Variants in NCF2 observed in about 807,000 individuals in gnomAD.
NCF2 encodes neutrophil cytosol factor 2.
A neutral mutation model predicts 70.9 loss-of-function variants in NCF2; 45 were observed. The observed-to-expected ratio is 0.63, with a 90% CI of 0.50 to 0.81. The LOEUF (loss-of-function observed/expected upper bound fraction) is 0.81. Among genes scored for constraint, NCF2 ranks in the 40% least tolerant of loss-of-function variants. NCF2 has a pLI of 0.00. For synonymous variants in NCF2, 203 were observed against 233.6 expected (o/e 0.87, Z 1.19); for missense variants, 522 against 631.6 (o/e 0.83, Z 1.86).
chr1:183,597,383 A>C, the NCF2 span, among the ~76,000 whole-genome samples: 3 of 152,242 alleles, frequency 2.0e-5, no homozygotes, highest in East Asian at 3.8e-4. Context: ...GAAGGAGTAG[A>C]AACTGATCAC....
At chr1:183,561,678 C>T (rs928792098) in intron 13 of NCF2, among the ~76,000 whole-genome samples, 2 of 149,392 alleles carry the variant, frequency 1.3e-5, no homozygotes, top group Non-Finnish European at 3.0e-5. Context: ...TGGGGTTTCA[C>T]CATGTTGGCC....
At chr1:183,600,382 A>G in the NCF2 span, among the ~76,000 whole-genome samples, 1 of 152,202 alleles carries the variant, frequency 6.6e-6, no homozygotes, top group Non-Finnish European at 1.5e-5. Flanking sequence ...ATGGTTCTTG[A>G]CTCAACAACC....
intron 2 of NCF2, among the ~76,000 whole-genome samples, chr1:183,580,422 C>T (rs1047104864): frequency 2.0e-5 from 3 of 152,130 alleles, no homozygotes; most frequent in Non-Finnish European, 2.9e-5. Context: ...TCTTCCATCG[C>T]GAAGAGGACA....
intron 3 of NCF2, among the ~76,000 whole-genome samples, chr1:183,576,787 A>G (rs1010853471): frequency 6.6e-6 from 1 of 152,182 alleles, no homozygotes; most frequent in Non-Finnish European, 1.5e-5. Flanking sequence ...CCCTGGGAAC[A>G]CTTGACTTCT....
Position 183,566,996 on chromosome 1 carries a change from G to A in NCF2, c.856-8C>T. Reference sequence around the variant, plus strand: ...GCAGGGAACAAGCCCCTTCTGCAGTGCAGCACCACAGAATCAGAAAGGAAA... The same window carrying A: ...GCAGGGAACAAGCCCCTTCTGCAGTACAGCACCACAGAATCAGAAAGGAAA... On this transcript the variant is annotated splice_region_variant and splice_polypyrimidine_tract_variant and intron_variant, in intron 8 of 14. Coordinates refer to ENST00000367535, the MANE Select transcript of NCF2 (RefSeq NM_000433.4). 1.2e-6 allele frequency: 2 copies of A among 1,614,142 alleles called. No individual in the cohort carries two copies. Among genetic ancestry groups the A allele is most frequent in the Non-Finnish European group, 1.7e-6 (2 of 1,180,020 alleles).
At chr1:183,591,643 C>T (rs993455060), upstream of NCF2, among the ~76,000 whole-genome samples, 1 of 152,106 alleles carries the variant, frequency 6.6e-6, no homozygotes, top group African/African-American at 2.4e-5. Flanking sequence ...CCACCACGCC[C>T]TGCTAATTTT....
chr1:183,588,796 A>C (rs1673498082), intron 1 of NCF2, among the ~76,000 whole-genome samples: 1 of 152,216 alleles, frequency 6.6e-6, no homozygotes, highest in Non-Finnish European at 1.5e-5. Context: ...GGAGAAACAG[A>C]GACATGTGGG....
intron 3 of NCF2, among the ~76,000 whole-genome samples, chr1:183,575,384 G>T (rs1672756424): frequency 6.6e-6 from 1 of 152,198 alleles, no homozygotes; most frequent in Non-Finnish European, 1.5e-5. Context: ...CAGGAGAATT[G>T]CTTGAACCCA....
At chr1:183,593,618 C>T (rs1033665007), upstream of NCF2, among the ~76,000 whole-genome samples, 1 of 152,208 alleles carries the variant, frequency 6.6e-6, no homozygotes, top group Non-Finnish European at 1.5e-5. Flanking sequence ...CTTTCACTTC[C>T]TCAATGAGTG....
Position 183,560,102 on chromosome 1 carries a change from A to G in NCF2, c.1462T>C (p.Ser488Pro), listed in dbSNP as rs1671974257. ...FQEGDIILVL[S>P]KVNEEWLEGE... The stretch of plus-strand genomic sequence containing the variant: ...GTCTTGGAGTAGCACTTACCCTTTG[A>G]TAACACCAGGATTATATCCCCTTCC... Residue 488 changes from serine (S) to proline (P), a missense_variant, in exon 14 of 15, where the codon TCA (serine) becomes CCA (proline). Transcript: ENST00000367535. 3 of 1,614,062 alleles carry G rather than the reference A, an allele frequency of 1.9e-6. No homozygotes were observed. The highest frequency in any genetic ancestry group is 2.5e-6 in the Non-Finnish European group (3 of 1,179,952).
At chr1:183,578,214 T>C (rs1672889507) in intron 2 of NCF2, among the ~76,000 whole-genome samples, 1 of 152,232 alleles carries the variant, frequency 6.6e-6, no homozygotes, top group Non-Finnish European at 1.5e-5. Flanking sequence ...CCCACTGCCT[T>C]CGCCCATGGC....
chr1:183,584,866 G>C (rs954060499), intron 2 of NCF2, among the ~76,000 whole-genome samples: 1 of 151,870 alleles, frequency 6.6e-6, no homozygotes, highest in African/African-American at 2.4e-5. Context: ...TACACCTACT[G>C]CATACCCACA....
At chr1:183,561,604 A>C (rs986048881) in intron 13 of NCF2, among the ~76,000 whole-genome samples, 9 of 151,928 alleles carry the variant, frequency 5.9e-5, no homozygotes, top group Non-Finnish European at 1.2e-4. Context: ...GATGCTTAAT[A>C]AATGTTAGTT....
intron 2 of NCF2, among the ~76,000 whole-genome samples, chr1:183,584,945 T>C (rs1673276118): frequency 6.6e-6 from 1 of 152,116 alleles, no homozygotes; most frequent in South Asian, 2.1e-4. Context: ...TCACACTAAA[T>C]ATGGGGGGAA....
chr1:183,564,312 G>A (rs1483723659), intron 10 of NCF2, among the ~76,000 whole-genome samples: 7 of 152,058 alleles, frequency 4.6e-5, no homozygotes, highest in Non-Finnish European at 5.9e-5. Context: ...AGGTTAGCAG[G>A]GATCCCAAAG....
At chr1:183,573,131 TCC>T (rs1387498042) in intron 5 of NCF2, 52 bp downstream of exon 5, 2 of 1,538,560 alleles carry the variant, frequency 1.3e-6, no homozygotes, top group Non-Finnish European at 1.8e-6. Flanking sequence ...CCCACCTTGC[TCC>T]ACATGGCCCG....
intron 2 of NCF2, among the ~76,000 whole-genome samples, chr1:183,581,966 C>T (rs1387717200): frequency 6.6e-6 from 1 of 152,228 alleles, no homozygotes; most frequent in Non-Finnish European, 1.5e-5. Flanking sequence ...CTCGCCTCGC[C>T]AACTAAGTGT....
intron 3 of NCF2, among the ~76,000 whole-genome samples, chr1:183,576,680 C>G (rs1237759089): frequency 6.6e-6 from 1 of 152,182 alleles, no homozygotes; most frequent in Non-Finnish European, 1.5e-5. Context: ...GACTGTGAGA[C>G]GTGAAGTTAG....
chr1:183,577,734 C>T (rs752815840), intron 2 of NCF2, 27 bp from the exon 3 acceptor site: 6 of 1,451,398 alleles, frequency 4.1e-6, no homozygotes, highest in Middle Eastern at 3.5e-4. Context: ...GAAAATACAG[C>T]AGTCTAGTGG....
Sources: allele counts gnomAD v4.1 joint callset (sites outside exome capture counted in the v4.1 genomes callset), GRCh38; gene constraint gnomAD v4.1.1; transcripts MANE v1.5; gene names NCBI Gene and HGNC (gene_info 2026-07-23, HGNC 2026-07-21).